Variants in PLA2R1 observed in about 807,000 individuals in gnomAD.
PLA2R1 encodes phospholipase A2 receptor 1.
PLA2R1 carries 158 observed loss-of-function variants against 195.9 expected under a neutral mutation model. The ratio of observed to expected loss-of-function variants is 0.81; its 90% CI spans 0.71 to 0.92. The LOEUF is 0.92. Among genes scored for constraint, PLA2R1 ranks in the 40% least tolerant of loss-of-function variants. PLA2R1 has a pLI of 0.00. For synonymous variants in PLA2R1, 586 were observed against 598.2 expected, an observed-to-expected ratio of 0.98 and a Z score of 0.30; for missense variants, 1,626 against 1,764.6, an observed-to-expected ratio of 0.92 and a Z score of 1.41.
At chr2:159,993,555 G>A in intron 11 of PLA2R1, among the ~76,000 whole-genome samples, 1 of 151,660 alleles carries the variant, frequency 6.6e-6, no homozygotes, top group Non-Finnish European at 1.5e-5. Context: ...CCCAGACTGT[G>A]ATGCTGAAAT....
downstream of PLA2R1, among the ~76,000 whole-genome samples, chr2:159,929,493 T>A (rs1686542651): frequency 2.0e-5 from 3 of 151,740 alleles, no homozygotes; most frequent in Admixed American, 6.6e-5. Flanking sequence ...CAAAAAAATA[T>A]AAAAAAATAG....
At chr2:160,050,332 G>A (rs1466759044) in intron 1 of PLA2R1, among the ~76,000 whole-genome samples, 1 of 152,174 alleles carries the variant, frequency 6.6e-6, no homozygotes, top group African/African-American at 2.4e-5. Flanking sequence ...GGGCAGTGCT[G>A]GAAGGAAGAC....
intron 13 of PLA2R1, among the ~76,000 whole-genome samples, chr2:159,980,934 C>G (rs566778962): frequency 6.6e-6 from 1 of 152,252 alleles, no homozygotes; most frequent in African/African-American, 2.4e-5. Context: ...ATCACTGATG[C>G]CCGGTTGGAC....
intron 9 of PLA2R1, among the ~76,000 whole-genome samples, chr2:160,014,977 T>C (rs112763155): frequency 1.2e-3 from 186 of 152,254 alleles, no homozygotes; most frequent in African/African-American, 4.1e-3. Flanking sequence ...TTTTAGATCA[T>C]AGGCTGCTTA....
intron 8 of PLA2R1, among the ~76,000 whole-genome samples, chr2:160,018,061 T>G (rs1370290200): frequency 6.6e-6 from 1 of 152,194 alleles, no homozygotes; most frequent in Admixed American, 6.5e-5. Flanking sequence ...ATATTCATAC[T>G]AAGTTCTACT....
At chr2:159,946,772 A>G (rs376799854) in intron 27 of PLA2R1, 29 bp downstream of exon 27, 12 of 1,570,842 alleles carry the variant, frequency 7.6e-6, no homozygotes, top group Non-Finnish European at 1.0e-5. Context: ...GTATTTATTT[A>G]TGTCCTCTCC....
intron 11 of PLA2R1, among the ~76,000 whole-genome samples, chr2:159,990,078 A>G (rs1431171636): frequency 6.6e-6 from 1 of 152,150 alleles, no homozygotes. Context: ...GAAGCAGTAA[A>G]GTGGTATAAT....
intron 20 of PLA2R1, among the ~76,000 whole-genome samples, chr2:159,964,997 AGC>A (rs1688692683): frequency 6.6e-6 from 1 of 152,290 alleles, no homozygotes; most frequent in East Asian, 1.9e-4. Flanking sequence ...ACTGCACTTC[AGC>A]CTGAGTGACA....
At chr2:159,927,185 C>A (rs372291152), downstream of PLA2R1, among the ~76,000 whole-genome samples, 32 of 152,294 alleles carry the variant, frequency 2.1e-4, no homozygotes, top group South Asian at 1.5e-3. Context: ...ACTTTGCATT[C>A]ATATTTGATA....
At chr2:159,987,097 T>C (rs555162185) in intron 12 of PLA2R1, 59 bp downstream of exon 12, 33 of 1,323,500 alleles carry the variant, frequency 2.5e-5, no homozygotes, top group African/African-American at 2.9e-5. Flanking sequence ...TTGGGATACA[T>C]GGATCAAATT....
Position 159,953,756 on chromosome 2 carries a change from GA to G in PLA2R1, c.3301+1442del, listed in dbSNP as rs935114176. Among the ~76,000 whole-genome samples the G allele has an allele frequency of 1.4e-4, 22 of 152,338 alleles. No homozygotes were observed. In the South Asian group the frequency reaches 3.7e-3, roughly 26 times the overall value. On this transcript the variant is annotated intron_variant, in intron 23 of 29. Transcript: ENST00000283243. The stretch of plus-strand genomic sequence containing the variant: ...AAAGTGATCAGAGGGCACATTCCAA[GA>G]ATAAATCAACATCAAGGTAGTGGAA...
In PLA2R1 at chr2:160,028,377, G is replaced by A. The variant is rs1463872385; in HGVS notation, c.956-16C>T. On this transcript the variant is annotated splice_polypyrimidine_tract_variant and intron_variant, in intron 5 of 29. Transcript: ENST00000283243. Reference sequence around the variant, plus strand: ...AAATTTACCTCTGAAAATACAATGAGTGTCTTTAATATTAGAAGCAAAAGC... The same window carrying A: ...AAATTTACCTCTGAAAATACAATGAATGTCTTTAATATTAGAAGCAAAAGC... 6.9e-6 allele frequency: 11 copies of A among 1,584,448 alleles called. No individual in the cohort carries two copies. Among genetic ancestry groups the A allele is most frequent in the African/African-American group, 1.3e-5 (1 of 74,134 alleles).
chr2:160,028,184 A>C lies in PLA2R1; in HGVS notation c.1099+34T>G, dbSNP rs757275331. The C allele has an allele frequency of 6.8e-6, 10 of 1,465,582 alleles. No homozygotes were observed. In the African/African-American group the frequency reaches 1.1e-4, roughly 17 times the overall value. 90.8% of individuals were successfully genotyped at this position (1,465,582 alleles called of 1,614,324 possible). Reference sequence around the variant, plus strand: ...CATATATTGAGAGGACAAGTCAACAACACCTAAGAACAACTTAAAATAAAA... The same window carrying C: ...CATATATTGAGAGGACAAGTCAACACCACCTAAGAACAACTTAAAATAAAA... On this transcript the variant is annotated intron_variant, in intron 6 of 29. Transcript: ENST00000283243.
chr2:159,968,898 A>G (rs1380063141), intron 19 of PLA2R1, among the ~76,000 whole-genome samples: 1 of 152,246 alleles, frequency 6.6e-6, no homozygotes, highest in Non-Finnish European at 1.5e-5. Context: ...GTTCTGGCCC[A>G]TTATAAATTG....
intron 1 of PLA2R1, among the ~76,000 whole-genome samples, chr2:160,051,138 G>A (rs1175962213): frequency 6.6e-6 from 1 of 152,168 alleles, no homozygotes; most frequent in Non-Finnish European, 1.5e-5. Context: ...AGGACTTTCT[G>A]GTATTCAATA....
intron 17 of PLA2R1, among the ~76,000 whole-genome samples, chr2:159,972,871 A>T (rs890731606): frequency 2.0e-5 from 3 of 152,168 alleles, no homozygotes; most frequent in Non-Finnish European, 2.9e-5. Context: ...TGGGAGAGAA[A>T]ATATTGACAT....
At position 160,005,702 on chromosome 2, in the gene PLA2R1, C is replaced by T; in HGVS notation, c.1784G>A (p.Gly595Glu). The T allele has an allele frequency of 6.2e-7, 1 of 1,614,002 alleles. No individual in the cohort carries two copies. Among genetic ancestry groups the T allele is most frequent in the Admixed American group, 1.7e-5 (1 of 60,000 alleles). Residue 595 changes from glycine (G) to glutamate (E), a missense_variant, in exon 11 of 30, where the codon GGG becomes GAG. Physicochemically the swap from Gly to Glu is moderately conservative, Grantham distance 98. Transcript: ENST00000283243. ...GTACTGCACCGGCTCGGGTTTCTGC[C>T]CTACTGGCTTCCAAGTGTATTCTCC... ...DTGEYTWKPV[G>E]QKPEPVQYTH...
intron 28 of PLA2R1, among the ~76,000 whole-genome samples, chr2:159,942,571 T>C (rs561011311): frequency 2.0e-5 from 3 of 152,334 alleles, no homozygotes; most frequent in Middle Eastern, 3.4e-3. Context: ...CACAGTTTTG[T>C]TGGGATCTTA....
intron 1 of PLA2R1, among the ~76,000 whole-genome samples, chr2:160,053,958 G>A (rs1348472149): frequency 6.6e-6 from 1 of 152,222 alleles, no homozygotes; most frequent in Non-Finnish European, 1.5e-5. Flanking sequence ...AGGCCCTTCT[G>A]AGTATAGGGC....
Sources: gnomAD v4.1 joint callset for allele counts (sites outside exome capture counted in the v4.1 genomes callset) on GRCh38, gnomAD v4.1.1 for gene constraint, MANE v1.5 for transcripts, NCBI Gene and HGNC (gene_info 2026-07-23, HGNC 2026-07-21) for gene names.